The following RABGAP1L variants were observed in gnomAD, a reference collection of about 807,000 sequenced individuals.
The protein encoded by RABGAP1L is RAB GTPase activating protein 1 like, also known as rab GTPase-activating protein 1-like.
RABGAP1L carries 63 observed loss-of-function variants against 137.7 expected under a neutral mutation model. That is an observed-to-expected ratio of 0.46 (90% CI 0.37 to 0.56). The LOEUF (loss-of-function observed/expected upper bound fraction) is 0.56. Ranked by LOEUF, RABGAP1L falls within the 20% of genes least tolerant of loss-of-function variation. The pLI is 0.00. For missense variants in RABGAP1L, 1,095 were observed against 1,244.0 expected (o/e 0.88, Z 1.80); for synonymous variants, 431 against 433.7 (o/e 0.99, Z 0.08).
chr1:174,160,433 A>G (rs1464876765), intron 1 of RABGAP1L, among the ~76,000 whole-genome samples: 1 of 152,216 alleles, frequency 6.6e-6, no homozygotes. Context: ...GGCCGGGTGC[A>G]TGGGAGCTGA....
At chr1:174,358,430 C>T (rs945722866) in intron 11 of RABGAP1L, among the ~76,000 whole-genome samples, 1 of 152,142 alleles carries the variant, frequency 6.6e-6, no homozygotes, top group Non-Finnish European at 1.5e-5. Flanking sequence ...AACCAGAGAT[C>T]TCTGTCAGAT....
intron 18 of RABGAP1L, among the ~76,000 whole-genome samples, chr1:174,795,191 T>C (rs1165726047): frequency 6.6e-6 from 1 of 151,570 alleles, no homozygotes; most frequent in Non-Finnish European, 1.5e-5. Flanking sequence ...ATGTCACCCC[T>C]CCCCCCCAGT....
At chr1:174,163,912 A>T (rs1664708627) in intron 1 of RABGAP1L, among the ~76,000 whole-genome samples, 2 of 152,106 alleles carry the variant, frequency 1.3e-5, no homozygotes, top group African/African-American at 4.8e-5. Context: ...CCAGTAGGTG[A>T]TTCTTAGTAA....
At chr1:174,364,289 C>A (rs1451119324) in intron 11 of RABGAP1L, among the ~76,000 whole-genome samples, 1 of 99,164 alleles carries the variant, frequency 1.0e-5, no homozygotes, top group East Asian at 4.3e-4. Context: ...GAGTCTCGCT[C>A]TGTCGCCCAG....
intron 13 of RABGAP1L, among the ~76,000 whole-genome samples, chr1:174,614,810 T>C (rs549996059): frequency 5.8e-4 from 89 of 152,268 alleles, no homozygotes; most frequent in African/African-American, 2.0e-3. Flanking sequence ...CTTCCCTTCT[T>C]GCTTCATTTC....
At chr1:174,174,215 C>G (rs1168263828) in intron 1 of RABGAP1L, among the ~76,000 whole-genome samples, 1 of 151,752 alleles carries the variant, frequency 6.6e-6, no homozygotes, top group South Asian at 2.1e-4. Flanking sequence ...CACACACACA[C>G]ACACACACAC....
At chr1:174,542,480 C>T (rs540488701) in intron 13 of RABGAP1L, among the ~76,000 whole-genome samples, 22 of 152,182 alleles carry the variant, frequency 1.4e-4, no homozygotes, top group Non-Finnish European at 2.8e-4. Flanking sequence ...TGATTCTTCT[C>T]TCTTTTTTTC....
At chr1:174,197,138 C>T (rs1289492192) in intron 1 of RABGAP1L, among the ~76,000 whole-genome samples, 2 of 152,162 alleles carry the variant, frequency 1.3e-5, no homozygotes, top group African/African-American at 4.8e-5. Flanking sequence ...CAGTGCTTTA[C>T]ATATGAATTA....
At chr1:174,515,157 C>T (rs998721989) in intron 13 of RABGAP1L, among the ~76,000 whole-genome samples, 13 of 152,108 alleles carry the variant, frequency 8.5e-5, no homozygotes, top group African/African-American at 3.1e-4. Context: ...CAACAGATCT[C>T]TTGAATTTAC....
At chr1:174,915,462 TTTTTC>T (rs1461116150) in intron 19 of RABGAP1L, among the ~76,000 whole-genome samples, 1 of 152,116 alleles carries the variant, frequency 6.6e-6, no homozygotes. Context: ...TTTTTGCCCT[TTTTTC>T]TTTTGTTTTT....
intron 18 of RABGAP1L, among the ~76,000 whole-genome samples, chr1:174,763,050 A>G (rs920813910): frequency 1.3e-5 from 2 of 151,794 alleles, no homozygotes; most frequent in Non-Finnish European, 2.9e-5. Context: ...CCTGGCCTAA[A>G]GTGATCCACC....
intron 19 of RABGAP1L, among the ~76,000 whole-genome samples, chr1:174,839,683 C>T (rs192479407): frequency 3.2e-4 from 48 of 152,274 alleles, no homozygotes; most frequent in Non-Finnish European, 5.9e-4. Flanking sequence ...TTTTCTTTCT[C>T]CCCTATTAGA....
chr1:174,731,725 A>G (rs1285368444), intron 17 of RABGAP1L, among the ~76,000 whole-genome samples: 4 of 152,218 alleles, frequency 2.6e-5, no homozygotes, highest in Non-Finnish European at 5.9e-5. Flanking sequence ...GCTAGATTCT[A>G]TAGGCATATT....
chr1:174,190,148 CAAA>C (rs1351766320), intron 1 of RABGAP1L, among the ~76,000 whole-genome samples: 1 of 151,892 alleles, frequency 6.6e-6, no homozygotes, highest in African/African-American at 2.4e-5. Context: ...ACTAAAAATA[CAAA>C]AATTAGCTGG....
intron 13 of RABGAP1L, among the ~76,000 whole-genome samples, chr1:174,519,525 T>A (rs554800717): frequency 2.0e-5 from 3 of 152,160 alleles, no homozygotes; most frequent in Non-Finnish European, 4.4e-5. Flanking sequence ...GCCCACTGAC[T>A]CCAATGTTAA....
At chr1:174,699,872 T>TA (rs1402525803) in intron 16 of RABGAP1L, among the ~76,000 whole-genome samples, 1 of 152,204 alleles carries the variant, frequency 6.6e-6, no homozygotes, top group African/African-American at 2.4e-5. Flanking sequence ...ATGTTCAAGT[T>TA]AAATATACTT....
intron 19 of RABGAP1L, among the ~76,000 whole-genome samples, chr1:174,839,028 C>T (rs1250891894): frequency 1.5e-5 from 2 of 130,046 alleles, no homozygotes; most frequent in African/African-American, 2.9e-5. Context: ...AACTTTTTTA[C>T]GTGTGTGTGT....
intron 13 of RABGAP1L, among the ~76,000 whole-genome samples, chr1:174,416,994 C>T (rs1162579348): frequency 2.0e-5 from 3 of 151,772 alleles, no homozygotes; most frequent in Non-Finnish European, 4.4e-5. Flanking sequence ...TGATGTTTGT[C>T]CTAATACGTA....
At chr1:174,345,371 C>T (rs1682342596) in intron 11 of RABGAP1L, among the ~76,000 whole-genome samples, 1 of 152,084 alleles carries the variant, frequency 6.6e-6, no homozygotes, top group South Asian at 2.1e-4. Flanking sequence ...CTGTAGAGTG[C>T]TTTGGGTAAT....
Sources: gnomAD v4.1 joint callset for allele counts (sites outside exome capture counted in the v4.1 genomes callset) on GRCh38, gnomAD v4.1.1 for gene constraint, MANE v1.5 for transcripts, NCBI Gene and HGNC (gene_info 2026-07-23, HGNC 2026-07-21) for gene names.